Variants in RELN observed in about 807,000 individuals in gnomAD.
RELN encodes the protein reelin.
A neutral mutation model predicts 427.6 loss-of-function variants in RELN; 108 were observed. The observed-to-expected ratio is 0.25, with a 90% CI of 0.22 to 0.30. The LOEUF is 0.30. RELN is among the 10% of genes least tolerant of loss of function. The probability of loss-of-function intolerance (pLI) is 1.00; values close to 1 mark genes in which losing one functional copy is unlikely to be tolerated. For synonymous variants in RELN, 1,524 were observed against 1,513.4 expected (o/e 1.01, Z -0.16); for missense variants, 3,715 against 4,302.8 (o/e 0.86, Z 3.82).
chr7:103,844,033 C>G (rs921332864), intron 2 of RELN, among the ~76,000 whole-genome samples: 4 of 152,228 alleles, frequency 2.6e-5, no homozygotes, highest in Non-Finnish European at 5.9e-5. Flanking sequence ...TGCCTCACCA[C>G]CTGGTGCCTG....
rs756767819 is a variant in RELN at position 103,472,880 on chromosome 7, A to C, written c.10315T>G (p.Phe3439Val). The C allele has an allele frequency of 1.2e-6, 2 of 1,613,950 alleles. No individual in the cohort carries two copies. The highest frequency in any genetic ancestry group is 2.2e-5 in the South Asian group (2 of 91,078). The change falls in exon 65 of 65, where the codon TTT becomes GTT. Residue 3439 changes from phenylalanine to valine, a missense_variant. Around this residue, in one of 4 missense-constraint regions of RELN, gnomAD observed 195 missense variants for 281.3 expected, o/e 0.69. Transcript: ENST00000428762. ...STRKQNYMMNFSRQHGLRHFY... is the reference protein window; with the variant it reads ...STRKQNYMMNVSRQHGLRHFY... ...TGTCTGAGCCCATGTTGTCGTGAAAAATTCATCATGTAATTTTGTTTGCGA... is the reference window on the plus strand; with the variant it reads ...TGTCTGAGCCCATGTTGTCGTGAAACATTCATCATGTAATTTTGTTTGCGA...
intron 8 of RELN, among the ~76,000 whole-genome samples, chr7:103,722,665 T>C (rs1200164431): frequency 1.1e-4 from 16 of 152,180 alleles, no homozygotes. Flanking sequence ...CTGCCAGATA[T>C]GGTCATTGTT....
intron 45 of RELN, among the ~76,000 whole-genome samples, chr7:103,537,564 C>G (rs767867980): frequency 6.6e-6 from 1 of 152,214 alleles, no homozygotes; most frequent in Non-Finnish European, 1.5e-5. Context: ...ATAGAAAGTA[C>G]AAGTGACTGG....
intron 3 of RELN, among the ~76,000 whole-genome samples, chr7:103,799,027 C>T (rs1038653860): frequency 2.0e-5 from 3 of 152,134 alleles, no homozygotes; most frequent in African/African-American, 4.8e-5. Context: ...AGACCTACCC[C>T]CTCTTTTCTT....
At chr7:103,559,584 T>C (rs1005131926) in intron 36 of RELN, among the ~76,000 whole-genome samples, 3 of 151,834 alleles carry the variant, frequency 2.0e-5, no homozygotes, top group African/African-American at 7.2e-5. Context: ...TTTTTTTTTG[T>C]TTGTTTTAAG....
intron 11 of RELN, among the ~76,000 whole-genome samples, chr7:103,670,581 T>C (rs966051509): frequency 6.6e-6 from 1 of 152,046 alleles, no homozygotes; most frequent in Non-Finnish European, 1.5e-5. Context: ...TGAATGACTA[T>C]ATGCCAACAG....
intron 1 of RELN, among the ~76,000 whole-genome samples, chr7:103,952,480 C>T (rs1368727407): frequency 6.6e-6 from 1 of 151,990 alleles, no homozygotes; most frequent in African/African-American, 2.4e-5. Context: ...ATGTTTATGT[C>T]TCCTGATGCA....
intron 1 of RELN, among the ~76,000 whole-genome samples, chr7:103,966,383 T>C (rs1796661893): frequency 6.6e-6 from 1 of 152,156 alleles, no homozygotes; most frequent in Non-Finnish European, 1.5e-5. Flanking sequence ...GAACCTAATG[T>C]GCACATCTTT....
chr7:103,572,910 C>T (rs903659205), intron 30 of RELN, among the ~76,000 whole-genome samples: 1 of 151,868 alleles, frequency 6.6e-6, no homozygotes, highest in African/African-American at 2.4e-5. Context: ...AGGTTTGTTA[C>T]ATAGGTATAC....
chr7:103,579,676 C>T (rs568267922), intron 28 of RELN, among the ~76,000 whole-genome samples: 68 of 150,652 alleles, frequency 4.5e-4, no homozygotes, highest in African/African-American at 1.5e-3. Flanking sequence ...TGTTGTTTTG[C>T]GTGTCCCAGA....
intron 22 of RELN, among the ~76,000 whole-genome samples, chr7:103,607,567 A>T (rs151054034): frequency 1.2e-4 from 19 of 152,364 alleles, no homozygotes; most frequent in African/African-American, 4.6e-4. Context: ...TGTGTGGGTC[A>T]TGAAATGAAG....
intron 8 of RELN, among the ~76,000 whole-genome samples, chr7:103,720,689 T>G (rs533686251): frequency 3.9e-5 from 6 of 152,266 alleles, no homozygotes; most frequent in Admixed American, 2.0e-4. Context: ...TGGCTGCTAT[T>G]GGATTGGTTG....
chr7:103,677,854 C>T (rs1484890927), intron 11 of RELN, among the ~76,000 whole-genome samples: 2 of 149,216 alleles, frequency 1.3e-5, no homozygotes, highest in African/African-American at 4.9e-5. Flanking sequence ...CTGATTCCTT[C>T]GTGCAGCATC....
intron 2 of RELN, among the ~76,000 whole-genome samples, chr7:103,905,154 T>C (rs1326258144): frequency 6.6e-6 from 1 of 151,960 alleles, no homozygotes; most frequent in African/African-American, 2.4e-5. Flanking sequence ...CTAATTTTTA[T>C]ATTTTTAGTA....
chr7:103,555,662 G>C (rs1830505907), intron 38 of RELN, among the ~76,000 whole-genome samples: 1 of 152,008 alleles, frequency 6.6e-6, no homozygotes, highest in African/African-American at 2.4e-5. Flanking sequence ...TTGTAGAGAT[G>C]GGGTTTCATC....
intron 52 of RELN, 74 bp downstream of exon 52, chr7:103,502,942 G>C: frequency 8.2e-7 from 1 of 1,217,104 alleles, no homozygotes; most frequent in East Asian, 2.4e-5. Flanking sequence ...ATAATTTCAG[G>C]CATGACAACA....
At chr7:103,596,237 AG>A (rs1325949564) in intron 25 of RELN, among the ~76,000 whole-genome samples, 2 of 152,184 alleles carry the variant, frequency 1.3e-5, no homozygotes, top group Non-Finnish European at 2.9e-5. Flanking sequence ...TCTAGTCACA[AG>A]CTTTAAAAAA....
intron 27 of RELN, among the ~76,000 whole-genome samples, chr7:103,592,879 A>G (rs1831452204): frequency 6.6e-6 from 1 of 152,222 alleles, no homozygotes; most frequent in South Asian, 2.1e-4. Context: ...TAGCATCAGA[A>G]TCTAAACAAG....
intron 22 of RELN, among the ~76,000 whole-genome samples, chr7:103,607,615 C>T (rs1831849594): frequency 6.6e-6 from 1 of 152,144 alleles, no homozygotes; most frequent in Admixed American, 6.6e-5. Context: ...CCGGATTCCC[C>T]AAAGCAACAA....
Sources: allele counts gnomAD v4.1 joint callset (sites outside exome capture counted in the v4.1 genomes callset), GRCh38; gene constraint gnomAD v4.1.1; regional missense constraint gnomAD v4.1.1; transcripts MANE v1.5; gene names NCBI Gene and HGNC (gene_info 2026-07-23, HGNC 2026-07-21).